RALGPS1: variants seen among roughly 807,000 people sequenced by gnomAD.
RALGPS1 encodes Ral GEF with PH domain and SH3 binding motif 1, also known as ras-specific guanine nucleotide-releasing factor RalGPS1.
RALGPS1 carries 19 observed loss-of-function variants against 78.8 expected under a neutral mutation model. The observed-to-expected ratio is 0.24, with a 90% CI of 0.17 to 0.35. RALGPS1 has a LOEUF of 0.35. Ranked by LOEUF, RALGPS1 falls within the 10% of genes least tolerant of loss-of-function variation. The pLI is 1.00. For synonymous variants in RALGPS1, 228 were observed against 256.3 expected (o/e 0.89, Z 1.06); for missense variants, 454 against 688.3 (o/e 0.66, Z 3.81).
chr9:127,078,342 ATTT>A (rs1589346305), intron 8 of RALGPS1, among the ~76,000 whole-genome samples: 1 of 151,998 alleles, frequency 6.6e-6, no homozygotes, highest in East Asian at 1.9e-4. Context: ...AGTCTTTCTC[ATTT>A]GTTACAAAAG....
intron 4 of RALGPS1, among the ~76,000 whole-genome samples, chr9:127,010,439 T>C: frequency 6.6e-6 from 1 of 152,320 alleles, no homozygotes; most frequent in Middle Eastern, 3.4e-3. Flanking sequence ...AATGACTGCC[T>C]GGATTCCACC....
intron 1 of RALGPS1, among the ~76,000 whole-genome samples, chr9:126,962,004 A>C (rs1347446355): frequency 6.6e-6 from 1 of 152,136 alleles, no homozygotes; most frequent in Admixed American, 6.5e-5. Flanking sequence ...GAAATCTTCC[A>C]ATTTTTAAAT....
chr9:127,024,925 T>C (rs2045837258), intron 4 of RALGPS1, among the ~76,000 whole-genome samples: 1 of 152,202 alleles, frequency 6.6e-6, no homozygotes, highest in African/African-American at 2.4e-5. Flanking sequence ...GTCATATTTA[T>C]TGAGGTTTAA....
chr9:127,080,183 C>T (rs1025068259), intron 8 of RALGPS1, among the ~76,000 whole-genome samples: 1 of 152,110 alleles, frequency 6.6e-6, no homozygotes, highest in Non-Finnish European at 1.5e-5. Flanking sequence ...GGAATGTTAC[C>T]CTTAGGAAGC....
intron 4 of RALGPS1, among the ~76,000 whole-genome samples, chr9:127,009,653 C>G (rs2044169074): frequency 6.6e-6 from 1 of 152,160 alleles, no homozygotes; most frequent in South Asian, 2.1e-4. Context: ...TTCCCACTTA[C>G]TGTTCTGTGG....
chr9:127,038,178 C>A (rs2047015188), intron 5 of RALGPS1, among the ~76,000 whole-genome samples: 1 of 152,226 alleles, frequency 6.6e-6, no homozygotes, highest in South Asian at 2.1e-4. Flanking sequence ...TTCCTCTTGG[C>A]TTTAATTGAA....
In RALGPS1 at chr9:127,052,950, C is replaced by G. The variant is rs777773150; in HGVS notation, c.483+11C>G. On this transcript the variant is annotated intron_variant, in intron 7 of 18. Transcript: ENST00000259351. The stretch of plus-strand genomic sequence containing the variant: ...ACAAAAACCTGGGCTGTAAGTTAAT[C>G]TCCCTAAGTCTATCTAATTTTGGCT... The G allele has an allele frequency of 6.6e-7, 1 of 1,525,902 alleles. No homozygotes were observed. The highest frequency in any genetic ancestry group is 1.7e-5 in the Admixed American group (1 of 59,468). The allele number at this position is 1,525,902 out of a possible 1,614,324, so 94.5% of individuals were successfully genotyped here. A position where few individuals can be genotyped will look rare whatever the true frequency, so the allele number is the denominator to read the frequency against.
chr9:127,137,236 C>A (rs542063483), intron 8 of RALGPS1, among the ~76,000 whole-genome samples: 1 of 152,338 alleles, frequency 6.6e-6, no homozygotes, highest in East Asian at 1.9e-4. Flanking sequence ...TAGTGTCCCA[C>A]CCGGGCCACA....
intron 4 of RALGPS1, among the ~76,000 whole-genome samples, chr9:126,981,233 G>A (rs1029854878): frequency 1.3e-5 from 2 of 152,178 alleles, no homozygotes; most frequent in Non-Finnish European, 2.9e-5. Flanking sequence ...GATGGTATTC[G>A]GGATGGTCCT....
intron 1 of RALGPS1, among the ~76,000 whole-genome samples, chr9:126,923,006 T>C (rs2034920603): frequency 6.6e-6 from 1 of 152,216 alleles, no homozygotes; most frequent in African/African-American, 2.4e-5. Context: ...GGGCCGTGAC[T>C]GTTTTGCCCA....
At position 127,034,356 on chromosome 9, in the gene RALGPS1, G is replaced by A. The variant is rs1023982494; in HGVS notation, c.217-75G>A. The A allele has an allele frequency of 6.9e-6, 9 of 1,307,772 alleles. No homozygotes were observed. In the African/African-American group the frequency reaches 1.3e-4, roughly 19 times the overall value. The allele number at this position is 1,307,772 out of a possible 1,614,324, so 81.0% of individuals were successfully genotyped here. ...CTTTCCCACCTTCATGCATGCTCATGTTCCCATTTAATGCCCCTGGTGTAT... is the reference window on the plus strand; with the variant it reads ...CTTTCCCACCTTCATGCATGCTCATATTCCCATTTAATGCCCCTGGTGTAT... On this transcript the variant is annotated intron_variant, in intron 4 of 18. Transcript: ENST00000259351.
chr9:126,969,336 G>A (rs1341310634), intron 3 of RALGPS1, among the ~76,000 whole-genome samples: 1 of 152,158 alleles, frequency 6.6e-6, no homozygotes, highest in Non-Finnish European at 1.5e-5. Context: ...TGAACTCCTG[G>A]ACTCAAGCCC....
At position 127,211,987 on chromosome 9, in the gene RALGPS1, C is replaced by A; in HGVS notation, c.1248-144C>A. 1 of 620,684 alleles carries A rather than the reference C, an allele frequency of 1.6e-6. No individual in the cohort carries two copies. The highest frequency in any genetic ancestry group is 2.7e-6 in the Non-Finnish European group (1 of 367,000). The allele number at this position is 620,684 out of a possible 1,614,324, so 38.4% of individuals were successfully genotyped here. Reference sequence around the variant, plus strand: ...ATGTGCGTTATCACCTGGCCCTCCCCTCCGGGCCTTGCTCTGCGCCGTTAA... The same window carrying A: ...ATGTGCGTTATCACCTGGCCCTCCCATCCGGGCCTTGCTCTGCGCCGTTAA... On this transcript the variant is annotated intron_variant, in intron 14 of 18. Coordinates refer to ENST00000259351, the MANE Select transcript of RALGPS1 (RefSeq NM_014636.3). The surrounding 1 kb of genome is among the most constrained non-coding windows in gnomAD (Gnocchi z 5.0).
intron 8 of RALGPS1, among the ~76,000 whole-genome samples, chr9:127,078,041 G>A (rs1190690959): frequency 2.0e-5 from 3 of 152,086 alleles, no homozygotes; most frequent in African/African-American, 7.2e-5. Context: ...AGCCCAGGAA[G>A]CCTTTGAACA....
chr9:127,081,470 G>T (rs1195762651), intron 8 of RALGPS1, among the ~76,000 whole-genome samples: 1 of 152,240 alleles, frequency 6.6e-6, no homozygotes, highest in Admixed American at 6.5e-5. Flanking sequence ...CTAAATCCAT[G>T]CCCTGCACAC....
At chr9:127,117,216 C>T (rs914879271) in intron 8 of RALGPS1, among the ~76,000 whole-genome samples, 16 of 152,212 alleles carry the variant, frequency 1.1e-4, no homozygotes, top group Admixed American at 9.8e-4. Flanking sequence ...TCCCTCCCTC[C>T]TTCAGCTCAC....
intron 7 of RALGPS1, among the ~76,000 whole-genome samples, chr9:127,063,222 G>A (rs1408731901): frequency 6.6e-6 from 1 of 152,152 alleles, no homozygotes; most frequent in Non-Finnish European, 1.5e-5. Context: ...AAAGGGGAGT[G>A]GTGGTATGAT....
intron 8 of RALGPS1, among the ~76,000 whole-genome samples, chr9:127,136,443 T>C (rs2057398166): frequency 6.6e-6 from 1 of 152,158 alleles, no homozygotes; most frequent in African/African-American, 2.4e-5. Context: ...TGCTGGGAGC[T>C]CCCAGAGGCT....
At chr9:127,055,001 GA>G (rs2048605665) in intron 7 of RALGPS1, among the ~76,000 whole-genome samples, 1 of 17,380 alleles carries the variant, frequency 5.8e-5, no homozygotes, top group Non-Finnish European at 1.2e-4. Context: ...TTGATTGAGA[GA>G]GAGAGAGAGA....
Sources: allele counts gnomAD v4.1 joint callset (sites outside exome capture counted in the v4.1 genomes callset), GRCh38; gene constraint gnomAD v4.1.1; non-coding constraint Gnocchi (gnomAD v3.1); transcripts MANE v1.5; gene names NCBI Gene and HGNC (gene_info 2026-07-23, HGNC 2026-07-21).